The following TATDN3 variants were observed in gnomAD, a reference collection of about 807,000 sequenced individuals.
The protein encoded by TATDN3 is TatD DNase domain containing 3.
TATDN3 carries 29 observed loss-of-function variants against 40.1 expected under a neutral mutation model. The observed-to-expected ratio is 0.72, with a 90% CI of 0.54 to 0.99. The LOEUF is 0.99. Among genes scored for constraint, TATDN3 ranks in the 50% least tolerant of loss-of-function variants. TATDN3 has a pLI of 0.00. For synonymous variants in TATDN3, 105 were observed against 117.0 expected, an observed-to-expected ratio of 0.90 and a Z score of 0.66; for missense variants, 309 against 321.9, an observed-to-expected ratio of 0.96 and a Z score of 0.31.
At chr1:212,807,168 ACTC>A (rs1375344173) in intron 7 of TATDN3, among the ~76,000 whole-genome samples, 1 of 148,924 alleles carries the variant, frequency 6.7e-6, no homozygotes, top group African/African-American at 2.5e-5. Context: ...CTTGTCTTGA[ACTC>A]CTGACCTCAG....
At chr1:212,793,468 C>T (rs1661495574) in intron 1 of TATDN3, among the ~76,000 whole-genome samples, 1 of 152,124 alleles carries the variant, frequency 6.6e-6, no homozygotes. Context: ...CCCTCCTTGG[C>T]CTCCCAAAGT....
At chr1:212,810,404 T>C (rs533223599) in intron 8 of TATDN3, among the ~76,000 whole-genome samples, 2 of 143,998 alleles carry the variant, frequency 1.4e-5, no homozygotes, top group Admixed American at 7.5e-5. Flanking sequence ...CCCAGCTACT[T>C]GGGAGGCTGA....
At chr1:212,805,832 T>G (rs1662429802) in intron 7 of TATDN3, among the ~76,000 whole-genome samples, 1 of 152,180 alleles carries the variant, frequency 6.6e-6, no homozygotes, top group Non-Finnish European at 1.5e-5. Flanking sequence ...GAAATATAGT[T>G]TATTTTGAGA....
At position 212,806,397 on chromosome 1, in the gene TATDN3, G is replaced by A. The variant is rs115081856; in HGVS notation, c.488-1339G>A. Among the ~76,000 whole-genome samples the A allele has an allele frequency of 7.3e-3, 1,025 of 141,092 alleles. 4 individuals are homozygous for A. Among genetic ancestry groups the A allele is most frequent in the Non-Finnish European group, 0.012 (806 of 65,738 alleles). 92.6% of individuals were successfully genotyped at this position (141,092 alleles called of 152,430 possible). On this transcript the variant is annotated intron_variant, in intron 7 of 9. Coordinates refer to ENST00000366974, the MANE Select transcript of TATDN3 (RefSeq NM_001042552.3). Reference sequence around the variant, plus strand: ...TTTTTTTTTTTTTTTTTGAGACTGGGTCTGACACTGTTGCCCAGGCTGGAT... The same window carrying A: ...TTTTTTTTTTTTTTTTTGAGACTGGATCTGACACTGTTGCCCAGGCTGGAT...
rs1663173539 is a variant in TATDN3 at position 212,816,150 on chromosome 1, T to G, written c.*994T>G. 6.6e-6 allele frequency: 1 copy of G among 152,190 alleles called. No homozygotes were observed. The highest frequency in any genetic ancestry group is 6.6e-5 in the Admixed American group (1 of 15,264). The allele number at this position is 152,190 out of a possible 1,614,324, so 9.4% of individuals were successfully genotyped here. A position where few individuals can be genotyped will look rare whatever the true frequency, so the allele number is the denominator to read the frequency against. On this transcript the variant is annotated 3_prime_UTR_variant, in exon 10 of 10. Coordinates refer to ENST00000366974, the MANE Select transcript of TATDN3 (RefSeq NM_001042552.3). ...TTATTAAAAATGTATCTGATTTCTCTGTGAACAGTAATATTTCATATTTTT... is the reference window on the plus strand; with the variant it reads ...TTATTAAAAATGTATCTGATTTCTCGGTGAACAGTAATATTTCATATTTTT...
At chr1:212,794,202 A>AC (rs1395503940) in intron 1 of TATDN3, among the ~76,000 whole-genome samples, 1 of 150,780 alleles carries the variant, frequency 6.6e-6, no homozygotes, top group East Asian at 1.9e-4. Flanking sequence ...AATGGTGTGA[A>AC]CCCGGGAGGC....
chr1:212,797,057 G>C, intron 3 of TATDN3, 55 bp from the exon 4 acceptor site: 1 of 1,318,444 alleles, frequency 7.6e-7, no homozygotes, highest in Non-Finnish European at 1.1e-6. Context: ...TTTAGAATAC[G>C]TTGTAATCTA....
Position 212,791,984 on chromosome 1 carries a change from C to A in TATDN3, c.63C>A (p.Asp21Glu), listed in dbSNP as rs763195697. The change falls in exon 1 of 10, where the codon GAC becomes GAA. Residue 21 changes from aspartate (D) to glutamate (E), a missense_variant. Transcript: ENST00000366974. ...GCCACCTCTCCGCCCCGGACTTTGA[C>A]CGCGTATGTGAGGGCGATACGGGAC... ...CHCHLSAPDF[D>E]RDLDDVLEKA... 6.2e-7 allele frequency: 1 copy of A among 1,614,086 alleles called. No individual in the cohort carries two copies. The highest frequency in any genetic ancestry group is 8.5e-7 in the Non-Finnish European group (1 of 1,179,982).
At chr1:212,804,768 G>A (rs1355888555) in intron 7 of TATDN3, 117 bp downstream of exon 7, 2 of 822,936 alleles carry the variant, frequency 2.4e-6, no homozygotes, top group African/African-American at 1.7e-5. Flanking sequence ...GGCAAGAAGG[G>A]GGGCAGAAAT....
chr1:212,796,926 G>A, intron 3 of TATDN3, 186 bp from the exon 4 acceptor site: 1 of 537,500 alleles, frequency 1.9e-6, no homozygotes, highest in African/African-American at 1.9e-5. Context: ...TGTAGATACA[G>A]GATTTCACCA....
At position 212,815,319 on chromosome 1, in the gene TATDN3, A is replaced by G; in HGVS notation, c.*163A>G. ...CTCTTAGAAATAAAACTGGGCTTGG[A>G]TCCTGAAACCCTGGGTTCTGATTCT... On this transcript the variant is annotated 3_prime_UTR_variant, in exon 10 of 10. Coordinates refer to ENST00000366974, the MANE Select transcript of TATDN3 (RefSeq NM_001042552.3). 4 of 817,974 alleles carry G rather than the reference A, an allele frequency of 4.9e-6. No homozygotes were observed. The highest frequency in any genetic ancestry group is 6.9e-6 in the Non-Finnish European group (4 of 579,864). The allele number at this position is 817,974 out of a possible 1,614,324, so 50.7% of individuals were successfully genotyped here.
Position 212,810,810 on chromosome 1 carries a change from T to C in TATDN3, c.601-1438T>C, listed in dbSNP as rs531113148. Among the ~76,000 whole-genome samples, 13 of 152,326 alleles carry C rather than the reference T, an allele frequency of 8.5e-5. No homozygotes were observed. In the South Asian group the frequency reaches 2.7e-3, roughly 32 times the overall value. ...AACAGAAATCACTTCCTTGTCAATGTCGGCACATGATACCAGATGTTTGGA... is the reference window on the plus strand; with the variant it reads ...AACAGAAATCACTTCCTTGTCAATGCCGGCACATGATACCAGATGTTTGGA... On this transcript the variant is annotated intron_variant, in intron 8 of 9. Transcript: ENST00000366974.
intron 7 of TATDN3, 60 bp downstream of exon 7, chr1:212,804,711 T>A: frequency 1.4e-6 from 2 of 1,455,114 alleles, no homozygotes; most frequent in Non-Finnish European, 1.9e-6. Flanking sequence ...CCAGTTTATG[T>A]TCTCATAAAG....
chr1:212,814,809 G>A lies in TATDN3; in HGVS notation c.682-204G>A, dbSNP rs532870543. Among the ~76,000 whole-genome samples the A allele has an allele frequency of 2.0e-5, 3 of 152,216 alleles. No individual in the cohort carries two copies. The South Asian group carries it at 6.2e-4, about 32-fold the overall frequency. ...AGGGACTTCAATTGTAAATACCCCA[G>A]GGTTCTTTTCAGGAGCAGCACAGAT... On this transcript the variant is annotated intron_variant, in intron 9 of 9. Transcript: ENST00000366974.
chr1:212,803,466 G>A (rs1245349761), intron 5 of TATDN3, among the ~76,000 whole-genome samples: 1 of 152,066 alleles, frequency 6.6e-6, no homozygotes, highest in Admixed American at 6.6e-5. Flanking sequence ...TTACAGGCTT[G>A]AGCAATCGTG....
intron 9 of TATDN3, among the ~76,000 whole-genome samples, chr1:212,812,896 A>G (rs933487281): frequency 2.0e-5 from 3 of 151,972 alleles, no homozygotes; most frequent in Non-Finnish European, 2.9e-5. Flanking sequence ...AATCGCAGCT[A>G]CTCGGGAGGC....
chr1:212,811,333 A>G (rs1662862683), intron 8 of TATDN3, among the ~76,000 whole-genome samples: 1 of 152,036 alleles, frequency 6.6e-6, no homozygotes. Context: ...GGGTTTCACC[A>G]TGTTGGTCAG....
chr1:212,809,571 C>G (rs1399962525), intron 8 of TATDN3, among the ~76,000 whole-genome samples: 1 of 151,962 alleles, frequency 6.6e-6, no homozygotes, highest in African/African-American at 2.4e-5. Context: ...GTAGTCCCAC[C>G]TACTCGGGAG....
At position 212,806,288 on chromosome 1, in the gene TATDN3, A is replaced by G. The variant is rs116407254; in HGVS notation, c.488-1448A>G. On this transcript the variant is annotated intron_variant, in intron 7 of 9. Transcript: ENST00000366974. ...GCTTAAAAACCTCCTGTTAGAAACA[A>G]TTAGCTCACAGACTTCTAGAAAAGG... 3.6e-3 allele frequency among the ~76,000 whole-genome samples: 541 copies of G among 152,128 alleles called. 7 individuals are homozygous for G. Among genetic ancestry groups the G allele is most frequent in the African/African-American group, 0.012 (513 of 41,518 alleles).
Sources: allele counts gnomAD v4.1 joint callset (sites outside exome capture counted in the v4.1 genomes callset), GRCh38; gene constraint gnomAD v4.1.1; transcripts MANE v1.5; gene names NCBI Gene and HGNC (gene_info 2026-07-23, HGNC 2026-07-21).